H2BC18: variants seen among roughly 807,000 people sequenced by gnomAD.
H2BC18 encodes the protein histone H2B type 2-F.
H2BC18 carries 8 observed loss-of-function variants against 6.3 expected under a neutral mutation model. The observed-to-expected ratio is 1.28, with a 90% confidence interval of 0.75 to 2.31. H2BC18 has a LOEUF of 2.31. Ranked by LOEUF, H2BC18 falls within the 30% of genes most tolerant of loss-of-function variation. H2BC18 has a pLI of 0.00. For missense variants in H2BC18, 106 were observed against 174.5 expected (o/e 0.61, Z 2.21); for synonymous variants, 104 against 78.1 (o/e 1.33, Z -1.75).
chr1:149,807,956 C>T (rs1380847103), downstream of H2BC18, among the ~76,000 whole-genome samples: 4 of 152,134 alleles, frequency 2.6e-5, no homozygotes, highest in Non-Finnish European at 5.9e-5. Context: ...AATTGTTTTG[C>T]ACTCTGCAGG....
intron 1 of H2BC18, among the ~76,000 whole-genome samples, chr1:149,801,298 A>AT (rs201959717): frequency 0.025 from 3,740 of 150,232 alleles, 97 homozygotes; most frequent in African/African-American, 0.087. Flanking sequence ...ATCTTTGTCA[A>AT]TTTTTTATCA....
At chr1:149,802,503 A>C (rs2101475656) in intron 1 of H2BC18, among the ~76,000 whole-genome samples, 1 of 152,340 alleles carries the variant, frequency 6.6e-6, no homozygotes, top group Admixed American at 6.5e-5. Context: ...CTCCAGAGGG[A>C]CAAAACTAAT....
chr1:149,789,285 C>T (rs1322332967), intron 1 of H2BC18, among the ~76,000 whole-genome samples: 2 of 151,932 alleles, frequency 1.3e-5, no homozygotes, highest in Admixed American at 6.5e-5. Context: ...CCCAGCTACT[C>T]GGGAGGCTGA....
chr1:149,807,203 C>A (rs2091925166), downstream of H2BC18, among the ~76,000 whole-genome samples: 1 of 152,150 alleles, frequency 6.6e-6, no homozygotes, highest in Admixed American at 6.5e-5. Context: ...CTTATTCACT[C>A]ACCAGCCTAA....
At chr1:149,808,537 A>G (rs1458370646), downstream of H2BC18, among the ~76,000 whole-genome samples, 2 of 152,214 alleles carry the variant, frequency 1.3e-5, no homozygotes, top group African/African-American at 2.4e-5. Flanking sequence ...TCAAAATAAA[A>G]TGGATTAACA....
downstream of H2BC18, among the ~76,000 whole-genome samples, chr1:149,808,903 C>A (rs1553754144): frequency 6.6e-6 from 1 of 151,716 alleles, no homozygotes; most frequent in Non-Finnish European, 1.5e-5. Context: ...TATTTCCCAT[C>A]TGTTGTCCTA....
intron 1 of H2BC18, among the ~76,000 whole-genome samples, chr1:149,789,491 G>C (rs1553751394): frequency 6.6e-6 from 1 of 152,192 alleles, no homozygotes; most frequent in Admixed American, 6.5e-5. Context: ...ACTGCCAAAA[G>C]GGCATGGTTA....
downstream of H2BC18, among the ~76,000 whole-genome samples, chr1:149,810,050 T>C (rs1211192186): frequency 1.3e-5 from 2 of 151,138 alleles, no homozygotes; most frequent in African/African-American, 4.8e-5. Flanking sequence ...CAGTGGATAA[T>C]AAATGATGGC....
Position 149,790,311 on chromosome 1 carries a change from A to C in H2BC18, c.378-7051T>G, listed in dbSNP as rs1553751609. On this transcript the variant is annotated intron_variant, in intron 1 of 1. Transcript: ENST00000545683. Reference sequence around the variant, plus strand: ...AGAGGATGGAAATGTCCTTAAGCGCAGCCCTGAGTTGGAGCTTCAAGTGCT... The same window carrying C: ...AGAGGATGGAAATGTCCTTAAGCGCCGCCCTGAGTTGGAGCTTCAAGTGCT... The C allele has an allele frequency of 1.9e-6, 3 of 1,589,100 alleles. No homozygotes were observed. The Admixed American group carries it at 5.4e-5, about 29-fold the overall frequency.
At chr1:149,791,637 A>C in intron 1 of H2BC18, 1 of 1,509,736 alleles carries the variant, frequency 6.6e-7, no homozygotes, top group Non-Finnish European at 8.9e-7. Flanking sequence ...CATGGTATGT[A>C]ACTCTTAAAG....
At chr1:149,804,569 A>G (rs1334113827) in intron 1 of H2BC18, among the ~76,000 whole-genome samples, 1 of 152,084 alleles carries the variant, frequency 6.6e-6, no homozygotes, top group African/African-American at 2.4e-5. Context: ...GTGCTCTGGA[A>G]GTACAATGGT....
chr1:149,790,221 T>C, intron 1 of H2BC18: 1 of 1,613,118 alleles, frequency 6.2e-7, no homozygotes, highest in Non-Finnish European at 8.5e-7. Flanking sequence ...GAACACATCC[T>C]CTGAATACCA....
chr1:149,805,739 G>A (rs619590), intron 1 of H2BC18, among the ~76,000 whole-genome samples: 83 of 150,882 alleles, frequency 5.5e-4, no homozygotes, highest in African/African-American at 1.8e-3. Context: ...CTACATAATA[G>A]GGATAGAGCG....
intron 1 of H2BC18, among the ~76,000 whole-genome samples, chr1:149,796,573 C>A (rs587670775): frequency 5.3e-5 from 8 of 152,258 alleles, no homozygotes; most frequent in Admixed American, 3.3e-4. Flanking sequence ...TCATTTTCTA[C>A]CTTGAATTCT....
At chr1:149,806,315 G>A (rs587769908) in intron 1 of H2BC18, among the ~76,000 whole-genome samples, 215 of 152,222 alleles carry the variant, frequency 1.4e-3, no homozygotes, top group Non-Finnish European at 2.3e-3. Context: ...ATGAGAGGCC[G>A]GGCGCACTGG....
downstream of H2BC18, among the ~76,000 whole-genome samples, chr1:149,807,517 G>C (rs373024750): frequency 1.1e-4 from 8 of 70,648 alleles, no homozygotes; most frequent in East Asian, 1.1e-3. Context: ...ATGGCGGGGG[G>C]GGGGGGGGGC....
intron 1 of H2BC18, among the ~76,000 whole-genome samples, chr1:149,789,393 A>AAATAAT (rs781855250): frequency 0.012 from 1,783 of 148,822 alleles, 38 homozygotes; most frequent in African/African-American, 0.038. Flanking sequence ...ACTACGTCTC[A>AAATAAT]AATAATAATA....
intron 1 of H2BC18, chr1:149,791,199 T>C (rs782011305): frequency 6.2e-7 from 1 of 1,606,112 alleles, no homozygotes; most frequent in Non-Finnish European, 8.5e-7. Context: ...CTCTGGTCTC[T>C]AAATAGTATC....
At chr1:149,805,331 T>C (rs2091907884) in intron 1 of H2BC18, 1 of 152,188 alleles carries the variant, frequency 6.6e-6, no homozygotes, top group African/African-American at 2.4e-5. Context: ...GTGATGGGAC[T>C]ATAATTGTCC....
Sources: gnomAD v4.1 joint callset for allele counts (sites outside exome capture counted in the v4.1 genomes callset) on GRCh38, gnomAD v4.1.1 for gene constraint, MANE v1.5 for transcripts, NCBI Gene and HGNC (gene_info 2026-07-23, HGNC 2026-07-21) for gene names.